PBX3: variants seen among roughly 807,000 people sequenced by gnomAD.
PBX3 encodes the protein PBX homeobox 3.
A neutral mutation model predicts 48.5 loss-of-function variants in PBX3; 14 were observed. The ratio of observed to expected loss-of-function variants is 0.29; its 90% CI spans 0.19 to 0.45. The LOEUF is 0.45. PBX3 is among the 20% of genes least tolerant of loss of function. The pLI is 1.00. For missense variants in PBX3, 386 were observed against 546.7 expected (o/e 0.71, Z 2.93); for synonymous variants, 210 against 200.3 (o/e 1.05, Z -0.41).
intron 2 of PBX3, among the ~76,000 whole-genome samples, chr9:125,862,100 T>C (rs1839874956): frequency 2.0e-5 from 3 of 152,182 alleles, no homozygotes; most frequent in Admixed American, 2.0e-4. Context: ...TTACAGACAA[T>C]GGTGTCTTAA....
chr9:125,867,798 A>G (rs1297047511), intron 2 of PBX3, among the ~76,000 whole-genome samples: 1 of 151,748 alleles, frequency 6.6e-6, no homozygotes, highest in Admixed American at 6.6e-5. Context: ...ACACACACAT[A>G]TATATACACA....
At chr9:125,821,038 A>C (rs536229751) in intron 2 of PBX3, among the ~76,000 whole-genome samples, 1 of 152,318 alleles carries the variant, frequency 6.6e-6, no homozygotes, top group Non-Finnish European at 1.5e-5. Context: ...TTATAGCCAA[A>C]ATATTGAAAA....
chr9:125,867,949 C>G (rs1174934421), intron 2 of PBX3, among the ~76,000 whole-genome samples: 1 of 152,026 alleles, frequency 6.6e-6, no homozygotes, highest in African/African-American at 2.4e-5. Context: ...AGTCATGATT[C>G]ACTGCAACCC....
At chr9:125,922,224 C>G (rs1007880706) in intron 3 of PBX3, among the ~76,000 whole-genome samples, 1 of 152,048 alleles carries the variant, frequency 6.6e-6, no homozygotes, top group African/African-American at 2.4e-5. Context: ...TCAATTATTA[C>G]TTGGTTTGGA....
chr9:125,950,809 G>T (rs960861116), intron 5 of PBX3, among the ~76,000 whole-genome samples: 1 of 151,864 alleles, frequency 6.6e-6, no homozygotes, highest in Non-Finnish European at 1.5e-5. Flanking sequence ...TCTTAGAAGA[G>T]AAAAAAAATT....
At chr9:125,857,739 CTG>C (rs1391186560) in intron 2 of PBX3, among the ~76,000 whole-genome samples, 1 of 152,066 alleles carries the variant, frequency 6.6e-6, no homozygotes, top group Non-Finnish European at 1.5e-5. Flanking sequence ...TCATGATAAA[CTG>C]TAGTAAAATA....
At chr9:125,802,345 G>T (rs1837978796) in intron 2 of PBX3, among the ~76,000 whole-genome samples, 1 of 128,838 alleles carries the variant, frequency 7.8e-6, no homozygotes, top group Non-Finnish European at 1.6e-5. Flanking sequence ...TTCTACTTGT[G>T]AGAACATTAG....
intron 2 of PBX3, among the ~76,000 whole-genome samples, chr9:125,861,513 A>C (rs537717373): frequency 9.9e-5 from 15 of 152,168 alleles, no homozygotes; most frequent in Admixed American, 6.5e-4. Flanking sequence ...ATATATCTGC[A>C]GAAAAAAAAT....
chr9:125,872,981 T>G (rs1174234419), intron 2 of PBX3, among the ~76,000 whole-genome samples: 1 of 151,482 alleles, frequency 6.6e-6, no homozygotes, highest in Non-Finnish European at 1.5e-5. Context: ...GGGTGGATCA[T>G]GAGGTCAGGA....
chr9:125,879,405 A>C (rs180892814), intron 2 of PBX3, among the ~76,000 whole-genome samples: 2 of 152,292 alleles, frequency 1.3e-5, no homozygotes, highest in East Asian at 3.9e-4. Context: ...CTTTATTAGA[A>C]GGTATATGAA....
intron 2 of PBX3, among the ~76,000 whole-genome samples, chr9:125,773,727 A>G (rs532826736): frequency 3.9e-5 from 6 of 152,266 alleles, no homozygotes; most frequent in South Asian, 2.1e-4. Context: ...GGGTCGTAGC[A>G]TATGTTCGTT....
intron 2 of PBX3, among the ~76,000 whole-genome samples, chr9:125,868,417 A>G (rs1188289309): frequency 6.6e-6 from 1 of 152,222 alleles, no homozygotes; most frequent in African/African-American, 2.4e-5. Flanking sequence ...GGCATAGAAC[A>G]CTTAAACATG....
chr9:125,880,361 T>C (rs1840354436), intron 2 of PBX3, among the ~76,000 whole-genome samples: 1 of 152,200 alleles, frequency 6.6e-6, no homozygotes, highest in African/African-American at 2.4e-5. Context: ...TATTAACTAA[T>C]TTCAGGTCGC....
chr9:125,902,463 A>T (rs1840970047), intron 2 of PBX3, among the ~76,000 whole-genome samples: 1 of 151,710 alleles, frequency 6.6e-6, no homozygotes. Context: ...TTAATGTATT[A>T]CTAGTTCTTT....
intron 3 of PBX3, among the ~76,000 whole-genome samples, chr9:125,925,183 T>C (rs1327685853): frequency 6.6e-6 from 1 of 152,224 alleles, no homozygotes; most frequent in Non-Finnish European, 1.5e-5. Context: ...TTTGTGTGAA[T>C]GTATGGTGGT....
chr9:125,803,907 T>C (rs1554857496), intron 2 of PBX3, among the ~76,000 whole-genome samples: 1 of 152,240 alleles, frequency 6.6e-6, no homozygotes, highest in African/African-American at 2.4e-5. Context: ...GGCCATGTGC[T>C]AGCCTGGTTT....
chr9:125,936,733 A>G (rs1841844099), intron 5 of PBX3, among the ~76,000 whole-genome samples: 1 of 152,168 alleles, frequency 6.6e-6, no homozygotes, highest in Admixed American at 6.5e-5. Context: ...TTCAAGGTTT[A>G]TTGTCATTTC....
intron 5 of PBX3, among the ~76,000 whole-genome samples, chr9:125,955,245 C>G (rs555373741): frequency 3.3e-4 from 50 of 152,146 alleles, no homozygotes; most frequent in South Asian, 6.2e-4. Flanking sequence ...TGCGAGCCCC[C>G]CTTCAGGCTT....
At position 125,874,719 on chromosome 9, in the gene PBX3, ACT is replaced by A. The variant is rs1355559942; in HGVS notation, c.275-40963_275-40962del. ...TTGGCAAGAATGAGGAGCAACAGAA[ACT>A]CTCATGTATTGCCAGTGGGAATATA... On this transcript the variant is annotated intron_variant, in intron 2 of 8. Transcript: ENST00000373489. Among the ~76,000 whole-genome samples, 18 of 152,268 alleles carry A rather than the reference ACT, an allele frequency of 1.2e-4. No individual in the cohort carries two copies. In the East Asian group the frequency reaches 2.7e-3, roughly 23 times the overall value.
Sources: allele counts gnomAD v4.1 joint callset (sites outside exome capture counted in the v4.1 genomes callset), GRCh38; gene constraint gnomAD v4.1.1; transcripts MANE v1.5; gene names NCBI Gene and HGNC (gene_info 2026-07-23, HGNC 2026-07-21).